The following CADPS variants were observed in gnomAD, a reference collection of about 807,000 sequenced individuals.
CADPS encodes the protein calcium dependent secretion activator, also known as calcium-dependent secretion activator 1.
In CADPS, 57 loss-of-function variants were observed where a neutral mutation model predicts 167.3. The observed-to-expected ratio is 0.34, with a 90% confidence interval of 0.28 to 0.42. The LOEUF (loss-of-function observed/expected upper bound fraction) is 0.42, where lower values mean the gene tolerates loss of function less well. CADPS is among the 20% of genes least tolerant of loss of function. CADPS has a pLI of 1.00. For synonymous variants in CADPS, 676 were observed against 635.3 expected, an observed-to-expected ratio of 1.06 and a Z score of -0.96; for missense variants, 1,414 against 1,738.1, an observed-to-expected ratio of 0.81 and a Z score of 3.32.
At chr3:62,688,084 A>G (rs1438579586) in intron 3 of CADPS, among the ~76,000 whole-genome samples, 1 of 152,070 alleles carries the variant, frequency 6.6e-6, no homozygotes. Flanking sequence ...ATATGCTTCC[A>G]TCAGTTAATC....
intron 4 of CADPS, among the ~76,000 whole-genome samples, chr3:62,654,152 G>A (rs1911198): frequency 0.97 from 148,310 of 152,254 alleles, 72,341 homozygotes; most frequent in East Asian, 1. Flanking sequence ...ATGAAAAACC[G>A]TCAAGATGCG....
chr3:62,494,080 G>A (rs1178076334), intron 18 of CADPS, among the ~76,000 whole-genome samples: 1 of 152,204 alleles, frequency 6.6e-6, no homozygotes, highest in African/African-American at 2.4e-5. Flanking sequence ...CTTGTAAGAA[G>A]AGTCTTTAGA....
chr3:62,730,617 C>G (rs2077584355), intron 3 of CADPS, among the ~76,000 whole-genome samples: 1 of 152,142 alleles, frequency 6.6e-6, no homozygotes, highest in Non-Finnish European at 1.5e-5. Flanking sequence ...CATGAATATT[C>G]TGCAGGCCAC....
rs553762267 is a variant in CADPS at position 62,874,536 on chromosome 3, G to T, written c.441+53C>A. The T allele has an allele frequency of 2.8e-4, 387 of 1,403,508 alleles. No individual in the cohort carries two copies. The African/African-American group carries it at 4.1e-3, about 15-fold the overall frequency. 86.9% of individuals were successfully genotyped at this position (1,403,508 alleles called of 1,614,324 possible). A position where few individuals can be genotyped will look rare whatever the true frequency, so the allele number is the denominator to read the frequency against. ...GCCGCCAGCTCCCATTGTTCACCCC[G>T]CCCGCCTGGCGACGTCCGGGTGCTG... is the stretch of plus-strand genomic sequence containing the variant. On this transcript the variant is annotated intron_variant, in intron 1 of 29. Transcript: ENST00000383710. This position sits in a 1 kb window ranked among gnomAD's most constrained non-coding sequence, Gnocchi z 7.1.
intron 1 of CADPS, among the ~76,000 whole-genome samples, chr3:62,803,023 A>G (rs1001535229): frequency 6.6e-6 from 1 of 152,132 alleles, no homozygotes; most frequent in Non-Finnish European, 1.5e-5. Flanking sequence ...ACACTTAGGA[A>G]AGGACAGGGC....
intron 3 of CADPS, among the ~76,000 whole-genome samples, chr3:62,681,798 A>T (rs897942700): frequency 6.6e-6 from 1 of 152,068 alleles, no homozygotes; most frequent in Non-Finnish European, 1.5e-5. Context: ...TAACACATCT[A>T]CATCATCCCC....
intron 17 of CADPS, among the ~76,000 whole-genome samples, chr3:62,509,684 T>C (rs2067368092): frequency 6.6e-6 from 1 of 152,166 alleles, no homozygotes; most frequent in South Asian, 2.1e-4. Flanking sequence ...GAATCTCAAC[T>C]GCCCTCGGGA....
At chr3:62,648,554 C>T (rs1350802704) in intron 5 of CADPS, among the ~76,000 whole-genome samples, 2 of 151,690 alleles carry the variant, frequency 1.3e-5, no homozygotes, top group Non-Finnish European at 2.9e-5. Flanking sequence ...TGGTGGTGTG[C>T]ACCTGTAGTC....
At chr3:62,429,250 T>G (rs1421811393) in intron 28 of CADPS, among the ~76,000 whole-genome samples, 2 of 152,228 alleles carry the variant, frequency 1.3e-5, no homozygotes, top group Admixed American at 1.3e-4. Context: ...TTATGTGCAC[T>G]TGAATCAAAG....
chr3:62,864,842 C>G (rs1011578608), intron 1 of CADPS, among the ~76,000 whole-genome samples: 1 of 152,136 alleles, frequency 6.6e-6, no homozygotes, highest in Non-Finnish European at 1.5e-5. Flanking sequence ...GACACTCACA[C>G]TATCCTGACT....
intron 1 of CADPS, among the ~76,000 whole-genome samples, chr3:62,806,031 C>T (rs1285015948): frequency 6.6e-6 from 1 of 152,060 alleles, no homozygotes; most frequent in Non-Finnish European, 1.5e-5. Flanking sequence ...CTTGCTCTGT[C>T]CAACCTTCTT....
intron 1 of CADPS, among the ~76,000 whole-genome samples, chr3:62,862,663 T>G (rs1430695789): frequency 6.6e-6 from 1 of 152,202 alleles, no homozygotes; most frequent in Non-Finnish European, 1.5e-5. Flanking sequence ...TGACATACAT[T>G]TAAATGTTTT....
intron 24 of CADPS, chr3:62,470,645 A>T (rs555828312): frequency 6.6e-6 from 1 of 152,246 alleles, no homozygotes; most frequent in African/African-American, 2.4e-5. Flanking sequence ...GCCACTTGGC[A>T]TTCAAAGAAG....
At chr3:62,759,029 G>T (rs72878387) in intron 2 of CADPS, among the ~76,000 whole-genome samples, 12 of 152,240 alleles carry the variant, frequency 7.9e-5, no homozygotes, top group African/African-American at 2.9e-4. Flanking sequence ...GAGTAAGTAA[G>T]GTTTGCAAGA....
At chr3:62,672,460 G>A (rs2150811577) in intron 3 of CADPS, among the ~76,000 whole-genome samples, 1 of 152,218 alleles carries the variant, frequency 6.6e-6, no homozygotes, top group Non-Finnish European at 1.5e-5. Context: ...CCTTATCAAG[G>A]CGTTGAGAGC....
At chr3:62,431,267 G>C (rs904144991) in intron 28 of CADPS, among the ~76,000 whole-genome samples, 1 of 152,140 alleles carries the variant, frequency 6.6e-6, no homozygotes, top group Non-Finnish European at 1.5e-5. Flanking sequence ...AGAAATGCTG[G>C]ACTGTGACCC....
chr3:62,733,726 G>T (rs944764377), intron 3 of CADPS, among the ~76,000 whole-genome samples: 3 of 152,070 alleles, frequency 2.0e-5, no homozygotes, highest in African/African-American at 4.8e-5. Flanking sequence ...TTGAGGAAAA[G>T]GTGGTTTTTG....
chr3:62,522,464 C>T (rs939408418), intron 13 of CADPS, among the ~76,000 whole-genome samples: 4 of 152,092 alleles, frequency 2.6e-5, no homozygotes, highest in African/African-American at 4.8e-5. Flanking sequence ...TAAGGTTTCC[C>T]GTGTTACTCT....
At chr3:62,468,010 A>G (rs1291316526) in intron 24 of CADPS, among the ~76,000 whole-genome samples, 1 of 152,186 alleles carries the variant, frequency 6.6e-6, no homozygotes, top group Non-Finnish European at 1.5e-5. Flanking sequence ...TAGAGGAAAA[A>G]TAATACAGCT....
Sources: allele counts gnomAD v4.1 joint callset (sites outside exome capture counted in the v4.1 genomes callset), GRCh38; gene constraint gnomAD v4.1.1; non-coding constraint Gnocchi (gnomAD v3.1); transcripts MANE v1.5; gene names NCBI Gene and HGNC (gene_info 2026-07-23, HGNC 2026-07-21).